The following EXOC4 variants were observed in gnomAD, a reference collection of about 807,000 sequenced individuals.
EXOC4 encodes SEC8-like 1.
A neutral mutation model predicts 107.2 loss-of-function variants in EXOC4; 71 were observed. The observed-to-expected ratio is 0.66, with a 90% CI of 0.55 to 0.81. EXOC4 has a LOEUF of 0.81. Ranked by LOEUF, EXOC4 falls within the 30% of genes least tolerant of loss-of-function variation. EXOC4 has a pLI of 0.00. For missense variants in EXOC4, 1,108 were observed against 1,189.6 expected (o/e 0.93, Z 1.01); for synonymous variants, 456 against 441.2 (o/e 1.03, Z -0.42).
At chr7:133,428,878 T>G (rs1314574054) in intron 7 of EXOC4, among the ~76,000 whole-genome samples, 1 of 152,224 alleles carries the variant, frequency 6.6e-6, no homozygotes, top group Non-Finnish European at 1.5e-5. Context: ...TTAAATTTTT[T>G]TCTTTTGTGT....
At chr7:133,416,219 G>T (rs1797472209) in intron 7 of EXOC4, among the ~76,000 whole-genome samples, 1 of 152,118 alleles carries the variant, frequency 6.6e-6, no homozygotes, top group African/African-American at 2.4e-5. Context: ...TTGAAGGAGA[G>T]AAATAGGGCT....
chr7:133,409,168 G>A (rs970135789), intron 7 of EXOC4, among the ~76,000 whole-genome samples: 1 of 152,140 alleles, frequency 6.6e-6, no homozygotes, highest in Non-Finnish European at 1.5e-5. Context: ...TAAATGTTTA[G>A]CTAAAATTCA....
chr7:133,590,472 A>G (rs998175645), intron 9 of EXOC4, among the ~76,000 whole-genome samples: 1 of 152,076 alleles, frequency 6.6e-6, no homozygotes, highest in Admixed American at 6.5e-5. Context: ...CTGTTTTCTC[A>G]TCCAAATGCT....
At chr7:134,044,745 A>G (rs1795606603) in intron 17 of EXOC4, among the ~76,000 whole-genome samples, 2 of 152,204 alleles carry the variant, frequency 1.3e-5, no homozygotes, top group African/African-American at 2.4e-5. Context: ...CCCCGATCCA[A>G]TGCTGTTAAT....
chr7:134,012,289 T>C (rs1585320874), intron 17 of EXOC4, among the ~76,000 whole-genome samples: 3 of 152,258 alleles, frequency 2.0e-5, no homozygotes, highest in Admixed American at 2.0e-4. Context: ...GGAAGCTCTG[T>C]TAGAAAACTG....
chr7:133,529,165 A>T (rs1205303582), intron 9 of EXOC4, among the ~76,000 whole-genome samples: 1 of 152,150 alleles, frequency 6.6e-6, no homozygotes, highest in Non-Finnish European at 1.5e-5. Flanking sequence ...TGATGTGTAC[A>T]GTTTATGCCA....
chr7:133,392,722 G>GT (rs1369500618), intron 7 of EXOC4, among the ~76,000 whole-genome samples: 1 of 152,324 alleles, frequency 6.6e-6, no homozygotes, highest in East Asian at 1.9e-4. Flanking sequence ...TGACAGTGGT[G>GT]TGTATGCCAG....
At chr7:133,630,933 G>T (rs957588268) in intron 10 of EXOC4, among the ~76,000 whole-genome samples, 1 of 152,006 alleles carries the variant, frequency 6.6e-6, no homozygotes, top group African/African-American at 2.4e-5. Context: ...GGAAAAAAGG[G>T]GCAATTGTTG....
In EXOC4 at chr7:133,898,355, A is replaced by T. The variant is rs531679538; in HGVS notation, c.1871+2620A>T. On this transcript the variant is annotated intron_variant, in intron 12 of 17. Transcript: ENST00000253861. Reference sequence around the variant, plus strand: ...TGCCTGAGATTGGAATTTCTGGGCCATTAGAGTCTTGGATTTTCAGTTTTA... The same window carrying T: ...TGCCTGAGATTGGAATTTCTGGGCCTTTAGAGTCTTGGATTTTCAGTTTTA... 2.6e-5 allele frequency among the ~76,000 whole-genome samples: 4 copies of T among 152,264 alleles called. No homozygotes were observed. In the East Asian group the frequency reaches 5.8e-4, roughly 22 times the overall value.
At chr7:133,987,794 T>C (rs962360468) in intron 14 of EXOC4, among the ~76,000 whole-genome samples, 7 of 152,198 alleles carry the variant, frequency 4.6e-5, no homozygotes, top group Non-Finnish European at 8.8e-5. Flanking sequence ...TAAGCTAATA[T>C]TGTAACAATT....
At chr7:133,382,874 G>A (rs762999628) in intron 7 of EXOC4, among the ~76,000 whole-genome samples, 1 of 152,088 alleles carries the variant, frequency 6.6e-6, no homozygotes, top group Admixed American at 6.6e-5. Context: ...CCATCCTTTA[G>A]TTGGAAGGCT....
chr7:133,432,187 C>T (rs1797870705), intron 7 of EXOC4, among the ~76,000 whole-genome samples: 1 of 151,598 alleles, frequency 6.6e-6, no homozygotes. Context: ...GTAAAAAAGA[C>T]ATTTTTAGAA....
intron 11 of EXOC4, among the ~76,000 whole-genome samples, chr7:133,838,997 G>A (rs1362168465): frequency 6.6e-6 from 1 of 152,130 alleles, no homozygotes; most frequent in African/African-American, 2.4e-5. Context: ...TGTCTACATG[G>A]GATTGTTTTA....
chr7:134,040,898 TTAAC>T (rs1473857542), intron 17 of EXOC4, among the ~76,000 whole-genome samples: 3 of 152,186 alleles, frequency 2.0e-5, no homozygotes, highest in African/African-American at 4.8e-5. Flanking sequence ...GGCCTTCTCT[TTAAC>T]TAATCAGATG....
At chr7:133,705,242 C>T (rs1056460358) in intron 10 of EXOC4, among the ~76,000 whole-genome samples, 1 of 152,026 alleles carries the variant, frequency 6.6e-6, no homozygotes, top group African/African-American at 2.4e-5. Context: ...TGGTGTGTGC[C>T]TGTAATCCCA....
At chr7:133,776,784 T>G (rs757109982) in intron 10 of EXOC4, among the ~76,000 whole-genome samples, 2 of 152,180 alleles carry the variant, frequency 1.3e-5, no homozygotes, top group Non-Finnish European at 2.9e-5. Flanking sequence ...TTCAAATGGA[T>G]GATCTTAACA....
At position 133,918,140 on chromosome 7, in the gene EXOC4, G is replaced by A. The variant is rs559630793; in HGVS notation, c.2027+402G>A. On this transcript the variant is annotated intron_variant, in intron 13 of 17. Coordinates refer to ENST00000253861, the MANE Select transcript of EXOC4 (RefSeq NM_021807.4). Reference sequence around the variant, plus strand: ...TGGGACTACCGGTGCCCACCACCACGCCCGGCTAATTTTTTATTTTTAGTA... The same window carrying A: ...TGGGACTACCGGTGCCCACCACCACACCCGGCTAATTTTTTATTTTTAGTA... 1.4e-3 allele frequency among the ~76,000 whole-genome samples: 139 copies of A among 99,546 alleles called. 1 individual carries two copies. The East Asian group carries it at 0.023, about 16-fold the overall frequency. The allele number at this position is 99,546 out of a possible 152,430, so 65.3% of individuals were successfully genotyped here. A position where few individuals can be genotyped will look rare whatever the true frequency, so the allele number is the denominator to read the frequency against.
At chr7:133,605,246 C>G (rs1563124119) in intron 9 of EXOC4, among the ~76,000 whole-genome samples, 1 of 152,110 alleles carries the variant, frequency 6.6e-6, no homozygotes, top group East Asian at 1.9e-4. Context: ...CAAGAGCAAA[C>G]AAAACAAAGT....
chr7:134,001,336 C>A (rs1335908088), intron 15 of EXOC4, among the ~76,000 whole-genome samples: 1 of 152,138 alleles, frequency 6.6e-6, no homozygotes, highest in South Asian at 2.1e-4. Context: ...AATCATCCAC[C>A]CCACTGTGTA....
Sources: allele counts gnomAD v4.1 joint callset (sites outside exome capture counted in the v4.1 genomes callset), GRCh38; gene constraint gnomAD v4.1.1; transcripts MANE v1.5; gene names NCBI Gene and HGNC (gene_info 2026-07-23, HGNC 2026-07-21).